Variants in RFX3 observed in about 807,000 individuals in gnomAD.
RFX3 encodes the protein regulatory factor X3, also known as transcription factor RFX3.
Under a neutral mutation model 98.6 loss-of-function variants are expected in RFX3, and 14 were observed. The observed-to-expected ratio is 0.14, with a 90% confidence interval of 0.09 to 0.22. RFX3 has a LOEUF of 0.22. Ranked by LOEUF, RFX3 falls within the 10% of genes least tolerant of loss-of-function variation. The probability of loss-of-function intolerance (pLI) is 1.00; values close to 1 mark genes in which losing one functional copy is unlikely to be tolerated. For synonymous variants in RFX3, 383 were observed against 328.4 expected (o/e 1.17, Z -1.80); for missense variants, 639 against 926.9 (o/e 0.69, Z 4.03).
chr9:3,276,207 T>G (rs150057407), intron 8 of RFX3, among the ~76,000 whole-genome samples: 2,486 of 152,230 alleles, frequency 0.016, 30 homozygotes, highest in Non-Finnish European at 0.026. Flanking sequence ...TACCAACATG[T>G]GCTTTGTGGT....
At chr9:3,318,073 G>A (rs1231165489) in intron 4 of RFX3, among the ~76,000 whole-genome samples, 4 of 152,170 alleles carry the variant, frequency 2.6e-5, no homozygotes, top group Non-Finnish European at 5.9e-5. Flanking sequence ...ACATGCACAC[G>A]TATGTTTACT....
chr9:3,470,800 A>G (rs1332698299), intron 1 of RFX3, among the ~76,000 whole-genome samples: 1 of 152,218 alleles, frequency 6.6e-6, no homozygotes, highest in Non-Finnish European at 1.5e-5. Flanking sequence ...TACAACTGAC[A>G]AAAGTATTAG....
chr9:3,233,652 C>T (rs1163803847), intron 15 of RFX3, among the ~76,000 whole-genome samples: 1 of 152,086 alleles, frequency 6.6e-6, no homozygotes, highest in African/African-American at 2.4e-5. Context: ...TTTACCCCAC[C>T]CTGAGGAGAA....
At position 3,225,146 on chromosome 9, in the gene RFX3, C is replaced by G; in HGVS notation, c.2146G>C (p.Val716Leu). 1 of 1,613,954 alleles carries G rather than the reference C, an allele frequency of 6.2e-7. No individual in the cohort carries two copies. Among genetic ancestry groups the G allele is most frequent in the Non-Finnish European group, 8.5e-7 (1 of 1,179,932 alleles). The stretch of plus-strand genomic sequence containing the variant: ...ATTGGATTCAGGAGGCTTGGTTGCA[C>G]GCCAGTCTCGAGAACAGGCTGCATG... Reference protein sequence around the residue: ...GCMQPVLETGVQPSLLNPIHS... With the variant: ...GCMQPVLETGLQPSLLNPIHS... The change falls in exon 17 of 17, where the codon GTG becomes CTG. Residue 716 changes from valine to leucine, a missense_variant. Coordinates refer to ENST00000617270, the MANE Select transcript of RFX3 (RefSeq NM_001282116.2).
At chr9:3,357,552 T>C (rs1325149164) in intron 2 of RFX3, among the ~76,000 whole-genome samples, 1 of 152,014 alleles carries the variant, frequency 6.6e-6, no homozygotes, top group Non-Finnish European at 1.5e-5. Context: ...TTTTATTTAA[T>C]AGCTTATATT....
At chr9:3,359,609 A>G (rs1836176016) in intron 2 of RFX3, among the ~76,000 whole-genome samples, 1 of 152,066 alleles carries the variant, frequency 6.6e-6, no homozygotes, top group Non-Finnish European at 1.5e-5. Context: ...CATTTTTTAT[A>G]TTTGTTGGTA....
At chr9:3,333,426 A>T (rs541587692) in intron 3 of RFX3, among the ~76,000 whole-genome samples, 117 of 149,354 alleles carry the variant, frequency 7.8e-4, no homozygotes, top group Non-Finnish European at 1.5e-3. Context: ...AAACAAATTC[A>T]TAGAAAATGT....
At chr9:3,459,734 G>T (rs75848206) in intron 1 of RFX3, among the ~76,000 whole-genome samples, 173 of 151,624 alleles carry the variant, frequency 1.1e-3, no homozygotes, top group African/African-American at 3.9e-3. Context: ...CAATCTTCTC[G>T]TGAATTATCA....
chr9:3,277,140 C>A (rs1278001033), intron 8 of RFX3, among the ~76,000 whole-genome samples, 200 bp downstream of exon 8: 2 of 151,918 alleles, frequency 1.3e-5, no homozygotes, highest in East Asian at 3.9e-4. Flanking sequence ...TCCTATATAG[C>A]TCGAGATTTT....
intron 1 of RFX3, among the ~76,000 whole-genome samples, chr9:3,474,165 T>A (rs887382453): frequency 1.3e-5 from 2 of 152,204 alleles, no homozygotes; most frequent in African/African-American, 4.8e-5. Context: ...ATAAACTGGA[T>A]ATGACTTGTT....
intron 1 of RFX3, among the ~76,000 whole-genome samples, chr9:3,524,114 A>G (rs2133958233): frequency 6.6e-6 from 1 of 152,274 alleles, no homozygotes; most frequent in South Asian, 2.1e-4. Flanking sequence ...GCATTTTAAA[A>G]CTGTAAATTT....
intron 1 of RFX3, among the ~76,000 whole-genome samples, chr9:3,409,695 T>TA (rs574769593): frequency 3.3e-5 from 5 of 152,216 alleles, no homozygotes; most frequent in Non-Finnish European, 5.9e-5. Flanking sequence ...AAACTGATTT[T>TA]AAAAAAACTA....
At chr9:3,505,232 A>ACATT (rs1816848642) in intron 1 of RFX3, among the ~76,000 whole-genome samples, 1 of 70,822 alleles carries the variant, frequency 1.4e-5, no homozygotes, top group East Asian at 1.7e-3. Flanking sequence ...TTATATATGA[A>ACATT]TATATATTTA....
intron 15 of RFX3, among the ~76,000 whole-genome samples, chr9:3,234,286 G>A (rs891387978): frequency 2.0e-5 from 3 of 152,150 alleles, no homozygotes; most frequent in African/African-American, 4.8e-5. Flanking sequence ...CCAGTGTAGT[G>A]CAAAAATAGC....
chr9:3,334,740 G>C (rs994369443), intron 3 of RFX3, among the ~76,000 whole-genome samples: 1 of 152,146 alleles, frequency 6.6e-6, no homozygotes, highest in African/African-American at 2.4e-5. Flanking sequence ...TAAATTGTCT[G>C]AATTTGGCTT....
intron 1 of RFX3, among the ~76,000 whole-genome samples, chr9:3,518,624 T>A (rs150684422): frequency 6.6e-6 from 1 of 152,206 alleles, no homozygotes; most frequent in Non-Finnish European, 1.5e-5. Context: ...AAGTATTTCA[T>A]TCTGATGAAA....
intron 1 of RFX3, among the ~76,000 whole-genome samples, chr9:3,466,379 G>T (rs1429857160): frequency 2.0e-5 from 3 of 151,846 alleles, no homozygotes; most frequent in African/African-American, 7.3e-5. Context: ...ATTTTCTCAA[G>T]CAAATAATAA....
At chr9:3,368,783 G>C (rs1367660814) in intron 2 of RFX3, among the ~76,000 whole-genome samples, 5 of 151,740 alleles carry the variant, frequency 3.3e-5, no homozygotes, top group African/African-American at 9.7e-5. Context: ...AAGTACTGTA[G>C]TTTATAATGT....
chr9:3,323,261 T>C (rs1251028568), intron 4 of RFX3, among the ~76,000 whole-genome samples: 1 of 152,114 alleles, frequency 6.6e-6, no homozygotes, highest in African/African-American at 2.4e-5. Context: ...ATAGGCACTG[T>C]GTCGTATTTT....
Sources: allele counts gnomAD v4.1 joint callset (sites outside exome capture counted in the v4.1 genomes callset), GRCh38; gene constraint gnomAD v4.1.1; transcripts MANE v1.5; gene names NCBI Gene and HGNC (gene_info 2026-07-23, HGNC 2026-07-21).